The following ETV5 variants were observed in gnomAD, a reference collection of about 807,000 sequenced individuals.
ETV5 encodes the protein ETS translocation variant 5.
In ETV5, 10 loss-of-function variants were observed where a neutral mutation model predicts 70.0. That is an observed-to-expected ratio of 0.14 (90% CI 0.09 to 0.24). The LOEUF (loss-of-function observed/expected upper bound fraction) is 0.24. Ranked by LOEUF, ETV5 falls within the 10% of genes least tolerant of loss-of-function variation. ETV5 has a pLI of 1.00. For synonymous variants in ETV5, 216 were observed against 242.2 expected (o/e 0.89, Z 1.01); for missense variants, 453 against 651.2 (o/e 0.70, Z 3.31).
At chr3:186,068,223 T>C (rs1713499722) in intron 7 of ETV5, among the ~76,000 whole-genome samples, 1 of 152,206 alleles carries the variant, frequency 6.6e-6, no homozygotes, top group African/African-American at 2.4e-5. Context: ...AGTCATTTGG[T>C]TGAAAGCAAC....
intron 7 of ETV5, chr3:186,079,173 T>C (rs77412668): frequency 0.034 from 28,064 of 822,626 alleles, 559 homozygotes; most frequent in African/African-American, 0.072. Flanking sequence ...ATACCACAGA[T>C]AAAGAGGTCA....
chr3:186,091,440 T>G lies in ETV5; in HGVS notation c.233-10265A>C, dbSNP rs151120488. Among the ~76,000 whole-genome samples, 313 of 152,352 alleles carry G rather than the reference T, an allele frequency of 2.1e-3. 2 individuals carry two copies. Among genetic ancestry groups the G allele is most frequent in the African/African-American group, 7.3e-3 (304 of 41,566 alleles). ...CCAGGGTCTCAGATCAACCATGAGATAGCAGAATTCATCAGTGAACAGTTA... is the reference window on the plus strand; with the variant it reads ...CCAGGGTCTCAGATCAACCATGAGAGAGCAGAATTCATCAGTGAACAGTTA... On this transcript the variant is annotated intron_variant, in intron 5 of 12. Coordinates refer to ENST00000306376, the MANE Select transcript of ETV5 (RefSeq NM_004454.3).
At chr3:186,071,471 G>A (rs1166159730) in intron 7 of ETV5, among the ~76,000 whole-genome samples, 1 of 152,198 alleles carries the variant, frequency 6.6e-6, no homozygotes, top group Non-Finnish European at 1.5e-5. Context: ...CCTTGGATGA[G>A]TTATCTAACC....
At position 186,046,317 on chromosome 3, in the gene ETV5, T is replaced by C. The variant is rs1712873191; in HGVS notation, c.*2322A>G. On this transcript the variant is annotated 3_prime_UTR_variant, in exon 13 of 13. Coordinates refer to ENST00000306376, the MANE Select transcript of ETV5 (RefSeq NM_004454.3). ...GCAAGAAAGAGGCAGGTTCGGGTGC[T>C]TGGTAAACGAAAAGCAAACTTCTTT... 3 of 206,470 alleles carry C rather than the reference T, an allele frequency of 1.5e-5. No individual in the cohort carries two copies. The highest frequency in any genetic ancestry group is 3.0e-5 in the Non-Finnish European group (3 of 100,730). 12.8% of individuals were successfully genotyped at this position (206,470 alleles called of 1,614,324 possible). A position where few individuals can be genotyped will look rare whatever the true frequency, so the allele number is the denominator to read the frequency against.
In ETV5 at chr3:186,057,373, G is replaced by GA. The variant is rs1301892469; in HGVS notation, c.1039+49dup. On this transcript the variant is annotated intron_variant, in intron 10 of 12. Transcript: ENST00000306376. The surrounding 1 kb of genome is among the most constrained non-coding windows in gnomAD (Gnocchi z 4.9). ...AAGAGAGTCATGGCTGAGGTGTTCT[G>GA]ACACCTCCAAACCTCTACCTGGCAA... 1 of 1,598,474 alleles carries GA rather than the reference G, an allele frequency of 6.3e-7. No homozygotes were observed. Among genetic ancestry groups the GA allele is most frequent in the Non-Finnish European group, 8.6e-7 (1 of 1,165,866 alleles).
At chr3:186,104,640 A>C (rs1232694983) in intron 5 of ETV5, among the ~76,000 whole-genome samples, 1 of 152,168 alleles carries the variant, frequency 6.6e-6, no homozygotes, top group Non-Finnish European at 1.5e-5. Flanking sequence ...AACAAACCCC[A>C]AAAAAGCCAT....
At chr3:186,092,700 T>C (rs1346594641) in intron 5 of ETV5, among the ~76,000 whole-genome samples, 2 of 151,796 alleles carry the variant, frequency 1.3e-5, no homozygotes, top group Non-Finnish European at 2.9e-5. Flanking sequence ...CCCCAAAGTG[T>C]TGGGATTACA....
At chr3:186,086,468 G>A (rs528258781) in intron 5 of ETV5, among the ~76,000 whole-genome samples, 21 of 152,278 alleles carry the variant, frequency 1.4e-4, no homozygotes, top group African/African-American at 2.9e-4. Context: ...TTAACAGATG[G>A]CCTGGTTAGG....
At chr3:186,067,759 C>G (rs4234587) in intron 7 of ETV5, among the ~76,000 whole-genome samples, 111,103 of 152,102 alleles carry the variant, frequency 0.73, 41,862 homozygotes, top group Non-Finnish European at 0.83. Flanking sequence ...ATTTCTATAA[C>G]TTAAAAAGAC....
At chr3:186,087,954 T>C (rs1243275201) in intron 5 of ETV5, among the ~76,000 whole-genome samples, 1 of 151,410 alleles carries the variant, frequency 6.6e-6, no homozygotes, top group Non-Finnish European at 1.5e-5. Flanking sequence ...ACATAAAACA[T>C]TTATGTAGCT....
At chr3:186,048,952 G>T in intron 12 of ETV5, 92 bp from the exon 13 acceptor site, 1 of 1,061,464 alleles carries the variant, frequency 9.4e-7, no homozygotes, top group East Asian at 2.6e-5. Flanking sequence ...ACAAAGCCAG[G>T]GACCAAAGGA....
intron 7 of ETV5, chr3:186,076,409 T>A (rs1713790775): frequency 5.2e-6 from 1 of 192,922 alleles, no homozygotes; most frequent in Non-Finnish European, 1.1e-5. Context: ...CCAGCTCACC[T>A]CTGCTTAGAC....
intron 6 of ETV5, chr3:186,080,749 G>C (rs1440403794): frequency 4.0e-6 from 1 of 250,092 alleles, no homozygotes; most frequent in African/African-American, 2.2e-5. Flanking sequence ...TATATTACCT[G>C]CCTCAAAGCC....
chr3:186,071,067 G>A lies in ETV5; in HGVS notation c.651-4995C>T, dbSNP rs193078778. Among the ~76,000 whole-genome samples the A allele has an allele frequency of 1.6e-3, 246 of 152,228 alleles. 3 individuals are homozygous for A. The highest frequency in any genetic ancestry group is 2.4e-4 in the Non-Finnish European group (16 of 68,008). On this transcript the variant is annotated intron_variant, in intron 7 of 12. Transcript: ENST00000306376. The stretch of plus-strand genomic sequence containing the variant: ...TTTATTTATTTGTCAGATTTATATA[G>A]CGCCTTTCCTCCCACGAGCTCACCC...
intron 7 of ETV5, among the ~76,000 whole-genome samples, chr3:186,074,661 C>T (rs1483191417): frequency 6.6e-6 from 1 of 151,814 alleles, no homozygotes; most frequent in Admixed American, 6.6e-5. Flanking sequence ...TGCCTGTAAT[C>T]CCAGCACTTT....
intron 9 of ETV5, chr3:186,064,117 T>G: frequency 2.5e-6 from 1 of 404,472 alleles, no homozygotes. Context: ...CCTATACTGT[T>G]AAAAAGTTGG....
intron 5 of ETV5, among the ~76,000 whole-genome samples, chr3:186,094,026 A>T (rs569867482): frequency 2.8e-4 from 42 of 152,328 alleles, no homozygotes; most frequent in African/African-American, 1.0e-3. Flanking sequence ...AGGGTAGAGA[A>T]GTTGGCAAGG....
intron 7 of ETV5, among the ~76,000 whole-genome samples, chr3:186,074,300 TG>T (rs2150147368): frequency 6.6e-6 from 1 of 152,236 alleles, no homozygotes; most frequent in East Asian, 1.9e-4. Context: ...AGGGCAAAAC[TG>T]TAAAATGTGA....
intron 1 of ETV5, among the ~76,000 whole-genome samples, 155 bp from the exon 2 acceptor site, chr3:186,106,097 C>T (rs1390516994): frequency 1.3e-5 from 2 of 152,114 alleles, no homozygotes; most frequent in Non-Finnish European, 2.9e-5. Context: ...ACACCAATGC[C>T]GGGCTTGATT....
Sources: allele counts gnomAD v4.1 joint callset (sites outside exome capture counted in the v4.1 genomes callset), GRCh38; gene constraint gnomAD v4.1.1; non-coding constraint Gnocchi (gnomAD v3.1); transcripts MANE v1.5; gene names NCBI Gene and HGNC (gene_info 2026-07-23, HGNC 2026-07-21).